The following PTPRD variants were observed in gnomAD, a reference collection of about 807,000 sequenced individuals.
PTPRD encodes the protein protein tyrosine phosphatase receptor type D.
A neutral mutation model predicts 214.5 loss-of-function variants in PTPRD; 34 were observed. The observed-to-expected ratio is 0.16, with a 90% CI of 0.12 to 0.21. PTPRD has a LOEUF of 0.21. Among genes scored for constraint, PTPRD ranks in the 10% least tolerant of loss-of-function variants. PTPRD has a pLI of 1.00. For missense variants in PTPRD, 2,545 were observed against 2,398.7 expected, an observed-to-expected ratio of 1.06 and a Z score of -1.27; for synonymous variants, 1,128 against 845.7, an observed-to-expected ratio of 1.33 and a Z score of -5.79.
Position 9,937,089 on chromosome 9 carries a change from G to A in PTPRD, c.-368+1418C>T, listed in dbSNP as rs557210730. On this transcript the variant is annotated intron_variant, in intron 5 of 45. Coordinates refer to ENST00000381196, the MANE Select transcript of PTPRD (RefSeq NM_002839.4). Reference sequence around the variant, plus strand: ...GGGGACTGTTGTTGGGTTGGGGGAAGGGGGAGGGATAGCACTGGGAGATAT... The same window carrying A: ...GGGGACTGTTGTTGGGTTGGGGGAAAGGGGAGGGATAGCACTGGGAGATAT... Among the ~76,000 whole-genome samples, 3 of 152,206 alleles carry A rather than the reference G, an allele frequency of 2.0e-5. No homozygotes were observed. In the South Asian group the frequency reaches 6.2e-4, roughly 32 times the overall value.
intron 3 of PTPRD, among the ~76,000 whole-genome samples, chr9:10,267,053 G>A (rs186559953): frequency 5.6e-4 from 85 of 151,976 alleles, no homozygotes; most frequent in Non-Finnish European, 9.4e-4. Flanking sequence ...TTAACTGGGA[G>A]TGGTAGCGGT....
chr9:9,432,052 T>TAAA (rs997444769), intron 8 of PTPRD, among the ~76,000 whole-genome samples: 3 of 89,258 alleles, frequency 3.4e-5, no homozygotes, highest in African/African-American at 8.8e-5. Flanking sequence ...TAAAGTATAA[T>TAAA]AATAATAATA....
At chr9:8,964,745 T>C (rs980176621) in intron 11 of PTPRD, among the ~76,000 whole-genome samples, 11 of 152,138 alleles carry the variant, frequency 7.2e-5, no homozygotes, top group Non-Finnish European at 1.5e-4. Context: ...AGATTTTGTT[T>C]TGTTGTGTCT....
intron 11 of PTPRD, among the ~76,000 whole-genome samples, chr9:8,937,440 C>T (rs1044547965): frequency 2.6e-5 from 4 of 152,116 alleles, no homozygotes; most frequent in African/African-American, 7.2e-5. Flanking sequence ...TTCATAAGTG[C>T]TCTAGTTCAC....
intron 3 of PTPRD, among the ~76,000 whole-genome samples, chr9:10,153,647 A>G (rs998196175): frequency 6.6e-6 from 1 of 152,048 alleles, no homozygotes; most frequent in African/African-American, 2.4e-5. Context: ...CTCAACTATT[A>G]AGCCTAGTAT....
chr9:10,458,506 A>C (rs1195696042), intron 2 of PTPRD, among the ~76,000 whole-genome samples: 1 of 152,178 alleles, frequency 6.6e-6, no homozygotes, highest in Admixed American at 6.6e-5. Flanking sequence ...TTCTTGACAA[A>C]GCCTCTCAAC....
intron 14 of PTPRD, among the ~76,000 whole-genome samples, chr9:8,610,018 T>C (rs2095386466): frequency 6.6e-6 from 1 of 152,204 alleles, no homozygotes; most frequent in Admixed American, 6.5e-5. Flanking sequence ...GTGGGAGAAC[T>C]AATTTTCTAC....
chr9:10,590,930 A>G (rs1304817515), intron 2 of PTPRD, among the ~76,000 whole-genome samples: 11 of 151,054 alleles, frequency 7.3e-5, no homozygotes, highest in Non-Finnish European at 1.2e-4. Flanking sequence ...TAAATATATT[A>G]CACTGTATAT....
At chr9:10,566,724 C>T (rs762325159) in intron 2 of PTPRD, among the ~76,000 whole-genome samples, 22 of 151,790 alleles carry the variant, frequency 1.4e-4, no homozygotes, top group African/African-American at 2.2e-4. Flanking sequence ...TCATGGTTTG[C>T]GTTTTTTTGC....
chr9:10,059,275 A>T (rs1269283066), intron 3 of PTPRD, among the ~76,000 whole-genome samples: 2 of 152,106 alleles, frequency 1.3e-5, no homozygotes, highest in Admixed American at 6.6e-5. Flanking sequence ...AATATTTACA[A>T]CTTCCATGTT....
intron 8 of PTPRD, among the ~76,000 whole-genome samples, chr9:9,537,469 A>G (rs2076753347): frequency 6.6e-6 from 1 of 151,976 alleles, no homozygotes; most frequent in Non-Finnish European, 1.5e-5. Context: ...GAGTTCCTGA[A>G]AAAGACTTAG....
chr9:8,572,919 C>G (rs2091530232), intron 14 of PTPRD, among the ~76,000 whole-genome samples: 1 of 151,970 alleles, frequency 6.6e-6, no homozygotes, highest in African/African-American at 2.4e-5. Context: ...ATAAGCTTAA[C>G]ATTTCAAAAG....
intron 7 of PTPRD, among the ~76,000 whole-genome samples, chr9:9,659,634 C>G (rs564839427): frequency 4.6e-5 from 7 of 151,884 alleles, no homozygotes; most frequent in Non-Finnish European, 8.8e-5. Flanking sequence ...TTTTCCCTAG[C>G]AGTAACAGCT....
intron 10 of PTPRD, among the ~76,000 whole-genome samples, chr9:9,179,874 A>T (rs2099927158): frequency 6.6e-6 from 1 of 152,076 alleles, no homozygotes; most frequent in South Asian, 2.1e-4. Flanking sequence ...TAACATGGAG[A>T]TAAAGTACAG....
chr9:9,532,820 A>G (rs567145625), intron 8 of PTPRD, among the ~76,000 whole-genome samples: 1 of 152,274 alleles, frequency 6.6e-6, no homozygotes, highest in Admixed American at 6.5e-5. Context: ...AAGTACTTAC[A>G]ACTGTCAAAT....
chr9:8,574,751 A>G (rs2092007458), intron 14 of PTPRD, among the ~76,000 whole-genome samples: 1 of 152,062 alleles, frequency 6.6e-6, no homozygotes, highest in Non-Finnish European at 1.5e-5. Context: ...CCTCCCCCTG[A>G]GCTATTAAAA....
chr9:9,160,997 A>T (rs936670553), intron 10 of PTPRD, among the ~76,000 whole-genome samples: 1 of 152,156 alleles, frequency 6.6e-6, no homozygotes, highest in Non-Finnish European at 1.5e-5. Context: ...ATCTCATAGA[A>T]GTAGAGAGTA....
intron 9 of PTPRD, among the ~76,000 whole-genome samples, chr9:9,338,083 A>G (rs1595995848): frequency 6.6e-6 from 1 of 152,220 alleles, no homozygotes; most frequent in South Asian, 2.1e-4. Context: ...AAAAAATTAC[A>G]TCTGAAAAAT....
At chr9:9,209,736 A>G (rs968341809) in intron 9 of PTPRD, among the ~76,000 whole-genome samples, 13 of 152,200 alleles carry the variant, frequency 8.5e-5, no homozygotes, top group Admixed American at 7.9e-4. Context: ...GTTGATTTTT[A>G]TAAGTGTTTA....
Sources: gnomAD v4.1 joint callset for allele counts (sites outside exome capture counted in the v4.1 genomes callset) on GRCh38, gnomAD v4.1.1 for gene constraint, MANE v1.5 for transcripts, NCBI Gene and HGNC (gene_info 2026-07-23, HGNC 2026-07-21) for gene names.